SLC7A1: variants seen among roughly 807,000 people sequenced by gnomAD.
SLC7A1 encodes the protein solute carrier family 7 member 1.
In SLC7A1, 10 loss-of-function variants were observed where a neutral mutation model predicts 53.9. The observed-to-expected ratio is 0.19, with a 90% CI of 0.11 to 0.31. The LOEUF is 0.31. SLC7A1 is among the 10% of genes least tolerant of loss of function. The pLI is 1.00. For missense variants in SLC7A1, 525 were observed against 827.2 expected (o/e 0.63, Z 4.48); for synonymous variants, 342 against 338.7 (o/e 1.01, Z -0.11).
intron 1 of SLC7A1, among the ~76,000 whole-genome samples, chr13:29,591,547 G>A (rs1432232529): frequency 6.8e-6 from 1 of 146,896 alleles, no homozygotes; most frequent in Non-Finnish European, 1.5e-5. Flanking sequence ...GGACACGGCA[G>A]TGTGGGATCC....
At chr13:29,554,154 A>G (rs1870327493) in intron 1 of SLC7A1, among the ~76,000 whole-genome samples, 1 of 152,204 alleles carries the variant, frequency 6.6e-6, no homozygotes, top group South Asian at 2.1e-4. Context: ...AAAGCGTCAC[A>G]CCGGCAATTT....
chr13:29,527,098 G>A (rs1868930345), intron 5 of SLC7A1, among the ~76,000 whole-genome samples: 1 of 151,780 alleles, frequency 6.6e-6, no homozygotes, highest in Admixed American at 6.6e-5. Context: ...AAATCTGCAG[G>A]GCATGCTAGT....
intron 1 of SLC7A1, among the ~76,000 whole-genome samples, chr13:29,559,553 CG>C (rs1350892430): frequency 2.2e-5 from 3 of 134,240 alleles, no homozygotes; most frequent in Non-Finnish European, 4.8e-5. Flanking sequence ...ATGTGAGTGA[CG>C]GGGAGTGAAT....
chr13:29,568,203 C>T (rs1348232261), intron 1 of SLC7A1, among the ~76,000 whole-genome samples: 1 of 152,124 alleles, frequency 6.6e-6, no homozygotes, highest in Non-Finnish European at 1.5e-5. Context: ...CTGATCTAAT[C>T]CACTCCAGAC....
intron 3 of SLC7A1, among the ~76,000 whole-genome samples, chr13:29,535,399 T>C (rs9579395): frequency 0.07 from 10,623 of 152,306 alleles, 457 homozygotes; most frequent in Middle Eastern, 0.14. Context: ...ATGTTAACCA[T>C]AGTTGTATCT....
At chr13:29,515,535 G>T (rs1469557917) in intron 12 of SLC7A1, among the ~76,000 whole-genome samples, 1 of 152,216 alleles carries the variant, frequency 6.6e-6, no homozygotes, top group Non-Finnish European at 1.5e-5. Flanking sequence ...GGTCCTGAGG[G>T]GCAATGGCCA....
chr13:29,569,255 T>C (rs1418153589), intron 1 of SLC7A1, among the ~76,000 whole-genome samples: 1 of 152,122 alleles, frequency 6.6e-6, no homozygotes, highest in Non-Finnish European at 1.5e-5. Flanking sequence ...GGCTGTCTCA[T>C]TGGAGATCGG....
intron 2 of SLC7A1, among the ~76,000 whole-genome samples, chr13:29,551,467 C>G (rs1870182970): frequency 6.6e-6 from 1 of 152,086 alleles, no homozygotes; most frequent in Non-Finnish European, 1.5e-5. Flanking sequence ...ATAAATTCCC[C>G]CAATTCAGAC....
intron 1 of SLC7A1, among the ~76,000 whole-genome samples, chr13:29,574,934 G>A (rs530651758): frequency 5.3e-5 from 8 of 152,258 alleles, no homozygotes; most frequent in Admixed American, 6.5e-5. Flanking sequence ...ATGAGCCACC[G>A]TGCGTGGCCA....
intron 1 of SLC7A1, among the ~76,000 whole-genome samples, chr13:29,566,350 T>C (rs1251034912): frequency 6.6e-6 from 1 of 152,210 alleles, no homozygotes; most frequent in Non-Finnish European, 1.5e-5. Flanking sequence ...TTATTCATAA[T>C]AGGCAAAAAG....
chr13:29,591,009 C>T (rs549846064), intron 1 of SLC7A1, among the ~76,000 whole-genome samples: 1 of 152,166 alleles, frequency 6.6e-6, no homozygotes, highest in Non-Finnish European at 1.5e-5. Context: ...ACCTCAGAGG[C>T]TGAGGTGGGA....
chr13:29,533,910 C>A (rs1391422620), intron 3 of SLC7A1, among the ~76,000 whole-genome samples: 1 of 152,130 alleles, frequency 6.6e-6, no homozygotes, highest in African/African-American at 2.4e-5. Flanking sequence ...CCTAATTATC[C>A]ACAGCATATT....
chr13:29,531,910 A>T (rs1302068878), intron 4 of SLC7A1, among the ~76,000 whole-genome samples: 1 of 152,236 alleles, frequency 6.6e-6, no homozygotes, highest in Admixed American at 6.5e-5. Context: ...ATGTTAGAAG[A>T]GAATTGTGTA....
intron 2 of SLC7A1, among the ~76,000 whole-genome samples, chr13:29,536,482 G>A (rs994148755): frequency 6.6e-6 from 1 of 152,162 alleles, no homozygotes; most frequent in Non-Finnish European, 1.5e-5. Context: ...TCTTAATGGA[G>A]ACTCTTCCAT....
At chr13:29,549,710 G>A (rs900123967) in intron 2 of SLC7A1, among the ~76,000 whole-genome samples, 2 of 152,222 alleles carry the variant, frequency 1.3e-5, no homozygotes, top group Admixed American at 1.3e-4. Flanking sequence ...TGTAGCCCAG[G>A]CTGGAGTGCA....
chr13:29,511,368 C>A lies in SLC7A1; in HGVS notation c.*3112G>T, dbSNP rs1314441479. On this transcript the variant is annotated 3_prime_UTR_variant, in exon 13 of 13. Coordinates refer to ENST00000380752, the MANE Select transcript of SLC7A1 (RefSeq NM_003045.5). ...GCAAAAACCAAAAGTGGGGGGAGAT[C>A]TCAGCAATTCTGACAACAGTATACA... 1 of 152,256 alleles carries A rather than the reference C, an allele frequency of 6.6e-6. No individual in the cohort carries two copies. The highest frequency in any genetic ancestry group is 1.5e-5 in the Non-Finnish European group (1 of 68,058). The allele number at this position is 152,256 out of a possible 1,614,324, so 9.4% of individuals were successfully genotyped here. A position where few individuals can be genotyped will look rare whatever the true frequency, so the allele number is the denominator to read the frequency against.
intron 1 of SLC7A1, among the ~76,000 whole-genome samples, chr13:29,568,033 G>C (rs1031566747): frequency 2.0e-5 from 3 of 152,022 alleles, no homozygotes; most frequent in African/African-American, 7.2e-5. Context: ...TGCCAGTCAG[G>C]ACTCCATCGA....
At chr13:29,581,071 T>C (rs900801686) in intron 1 of SLC7A1, among the ~76,000 whole-genome samples, 3 of 152,142 alleles carry the variant, frequency 2.0e-5, no homozygotes, top group Admixed American at 6.5e-5. Flanking sequence ...TTAACAGAAA[T>C]AGGATATTTC....
chr13:29,563,218 C>G (rs1312478914), intron 1 of SLC7A1, among the ~76,000 whole-genome samples: 1 of 152,208 alleles, frequency 6.6e-6, no homozygotes, highest in Non-Finnish European at 1.5e-5. Context: ...GGTCAACTAG[C>G]AGGCAGAGGC....
Sources: allele counts gnomAD v4.1 joint callset (sites outside exome capture counted in the v4.1 genomes callset), GRCh38; gene constraint gnomAD v4.1.1; transcripts MANE v1.5; gene names NCBI Gene and HGNC (gene_info 2026-07-23, HGNC 2026-07-21).